Variants in RAB11FIP3 observed in about 807,000 individuals in gnomAD.
RAB11FIP3 encodes the protein rab11 family-interacting protein 3.
Under a neutral mutation model 77.8 loss-of-function variants are expected in RAB11FIP3, and 17 were observed. That is an observed-to-expected ratio of 0.22 (90% confidence interval 0.15 to 0.33). The LOEUF is 0.33. Ranked by LOEUF, RAB11FIP3 falls within the 10% of genes least tolerant of loss-of-function variation. The probability of loss-of-function intolerance (pLI) is 1.00; values close to 1 mark genes in which losing one functional copy is unlikely to be tolerated. For missense variants in RAB11FIP3, 1,005 were observed against 1,011.2 expected, an observed-to-expected ratio of 0.99 and a Z score of 0.08; for synonymous variants, 437 against 448.2, an observed-to-expected ratio of 0.98 and a Z score of 0.31.
intron 1 of RAB11FIP3, among the ~76,000 whole-genome samples, chr16:446,776 A>G (rs1343418107): frequency 6.6e-6 from 1 of 151,698 alleles, no homozygotes; most frequent in Non-Finnish European, 1.5e-5. Flanking sequence ...GCTCACTGCA[A>G]CCTCCGCCTC....
chr16:513,788 G>A (rs1305320000), intron 9 of RAB11FIP3, among the ~76,000 whole-genome samples: 2 of 152,196 alleles, frequency 1.3e-5, no homozygotes, highest in African/African-American at 2.4e-5. Context: ...AGAGCTGTGC[G>A]GGACGCCCCA....
intron 5 of RAB11FIP3, among the ~76,000 whole-genome samples, chr16:492,424 T>TCCCGGGAGACCCGAGGCCGTCCAGAGCCC (rs2030506781): frequency 1.9e-5 from 1 of 53,706 alleles, no homozygotes; most frequent in African/African-American, 1.3e-4. Flanking sequence ...CCCAGGGCCC[T>TCCCGGGAGACCCGAGGCCGTCCAGAGCCC]CCCCGGGAGA....
chr16:453,735 C>T (rs1006826838), intron 1 of RAB11FIP3, among the ~76,000 whole-genome samples: 2 of 151,558 alleles, frequency 1.3e-5, no homozygotes, highest in African/African-American at 2.4e-5. Flanking sequence ...GGATTACAGG[C>T]GCCTGCCACC....
rs754959809 is a variant in RAB11FIP3, at chr16:488,845, T to G, written c.1116-6T>G. The G allele has an allele frequency of 6.2e-7, 1 of 1,613,190 alleles. No individual in the cohort carries two copies. Among genetic ancestry groups the G allele is most frequent in the South Asian group, 1.1e-5 (1 of 90,992 alleles). On this transcript the variant is annotated splice_region_variant and splice_polypyrimidine_tract_variant and intron_variant, in intron 4 of 13. Transcript: ENST00000262305. ...CAGAAGACATCATTTCTGTTTTACT[T>G]TGCAGGCCTCACCCCCATGGCCAGT...
chr16:449,142 G>A (rs961070635), intron 1 of RAB11FIP3, among the ~76,000 whole-genome samples: 3 of 151,862 alleles, frequency 2.0e-5, no homozygotes, highest in African/African-American at 7.3e-5. Context: ...TCCAGCTGCC[G>A]GCCCCCTGCT....
At chr16:496,467 C>G (rs992960593) in intron 5 of RAB11FIP3, among the ~76,000 whole-genome samples, 20 of 152,246 alleles carry the variant, frequency 1.3e-4, no homozygotes, top group Non-Finnish European at 2.8e-4. Flanking sequence ...CACTTGGGGG[C>G]CTCCGAAGGC....
At chr16:436,390 G>T (rs985463893) in intron 1 of RAB11FIP3, among the ~76,000 whole-genome samples, 1 of 152,192 alleles carries the variant, frequency 6.6e-6, no homozygotes, top group African/African-American at 2.4e-5. Context: ...CTGCAGCCTT[G>T]AAGTCCTGGG....
rs143162766 is a variant in RAB11FIP3 at position 503,035 on chromosome 16, G to A, written c.1333G>A (p.Glu445Lys). The A allele has an allele frequency of 1.5e-4, 244 of 1,613,086 alleles. 1 individual carries two copies. The Middle Eastern group carries it at 3.0e-3, about 20-fold the overall frequency. Residue 445 changes from glutamate (E) to lysine (K), a missense_variant, in exon 7 of 14, where the codon GAG (glutamate) becomes AAG (lysine). Physicochemically the swap from Glu to Lys is moderately conservative, Grantham distance 56. Around this residue, in one of 4 missense-constraint regions of RAB11FIP3, gnomAD observed 433 missense variants for 436.1 expected, o/e 0.99. Coordinates refer to ENST00000262305, the MANE Select transcript of RAB11FIP3 (RefSeq NM_014700.4). ...GCACCAGTCAGGGGCCCTGACCATG[G>A]AGGCCCTGGAGGACCCTTCCCCCGA... Reference protein sequence around the residue: ...YLHQSGALTMEALEDPSPELM... With the variant: ...YLHQSGALTMKALEDPSPELM...
intron 9 of RAB11FIP3, among the ~76,000 whole-genome samples, chr16:511,825 G>C (rs1395141055): frequency 7.9e-6 from 1 of 126,266 alleles, no homozygotes; most frequent in African/African-American, 3.2e-5. Flanking sequence ...AGGTAGGAGA[G>C]GTTCCTGACG....
At chr16:510,491 A>G (rs2032089511) in intron 8 of RAB11FIP3, 169 bp from the exon 9 acceptor site, 3 of 744,716 alleles carry the variant, frequency 4.0e-6, no homozygotes, top group African/African-American at 1.8e-5. Context: ...CTGGGGGTGT[A>G]TTCGCTGCTT....
chr16:493,049 G>A (rs2030731950), intron 5 of RAB11FIP3, among the ~76,000 whole-genome samples: 2 of 152,130 alleles, frequency 1.3e-5, no homozygotes, highest in South Asian at 4.1e-4. Context: ...CCAGGAGTTT[G>A]AGACCAGCCT....
chr16:507,076 G>A lies in RAB11FIP3; in HGVS notation c.1499+1449G>A, dbSNP rs1472710127. ...CGACCCGCCTCCCTCAGCCTTCGAT[G>A]TAGCTGGGACTACAGGTGTGCACCA... On this transcript the variant is annotated intron_variant, in intron 8 of 13. Coordinates refer to ENST00000262305, the MANE Select transcript of RAB11FIP3 (RefSeq NM_014700.4). This position sits in a 1 kb window ranked among gnomAD's most constrained non-coding sequence, Gnocchi z 4.6. Among the ~76,000 whole-genome samples, 1 of 151,306 alleles carries A rather than the reference G, an allele frequency of 6.6e-6. No homozygotes were observed. The highest frequency in any genetic ancestry group is 2.4e-5 in the African/African-American group (1 of 41,132).
intron 1 of RAB11FIP3, among the ~76,000 whole-genome samples, chr16:432,630 C>T (rs1243304556): frequency 7.2e-6 from 1 of 138,692 alleles, no homozygotes; most frequent in Non-Finnish European, 1.5e-5. Flanking sequence ...GACAGGGTCT[C>T]GCTCTGTGGC....
rs117089608 is a variant in RAB11FIP3, at chr16:521,334, G to A, written c.*495G>A. The A allele has an allele frequency of 0.025, 3,976 of 160,744 alleles. 74 individuals carry two copies. Among genetic ancestry groups the A allele is most frequent in the Middle Eastern group, 0.04 (13 of 328 alleles). The allele number at this position is 160,744 out of a possible 1,614,324, so 10.0% of individuals were successfully genotyped here. Reference sequence around the variant, plus strand: ...CTGCCTAAGCCACCCACATAAGTACGCTGGTGCCGTGTCACCCATGTTGAG... The same window carrying A: ...CTGCCTAAGCCACCCACATAAGTACACTGGTGCCGTGTCACCCATGTTGAG... On this transcript the variant is annotated 3_prime_UTR_variant, in exon 14 of 14. Transcript: ENST00000262305.
Position 471,535 on chromosome 16 carries a change from G to T in RAB11FIP3, c.903+146G>T. On this transcript the variant is annotated intron_variant, in intron 3 of 13. Transcript: ENST00000262305. The surrounding 1 kb of genome is among the most constrained non-coding windows in gnomAD (Gnocchi z 4.4). ...CCTCCCGCCCTGTGTGCACCGTGGG[G>T]CTCTGTGGCTGTGACGGGAGGCCCA... is the stretch of plus-strand genomic sequence containing the variant. The T allele has an allele frequency of 4.3e-6, 3 of 697,410 alleles. No homozygotes were observed. The highest frequency in any genetic ancestry group is 1.7e-5 in the South Asian group (1 of 58,424). 43.2% of individuals were successfully genotyped at this position (697,410 alleles called of 1,614,324 possible). A position where few individuals can be genotyped will look rare whatever the true frequency, so the allele number is the denominator to read the frequency against.
chr16:456,306 C>A (rs1256580113), intron 1 of RAB11FIP3, among the ~76,000 whole-genome samples: 2 of 151,408 alleles, frequency 1.3e-5, no homozygotes, highest in African/African-American at 4.9e-5. Context: ...AAAAATGAGC[C>A]GGGTGTGGCG....
chr16:453,941 G>A (rs1253890285), intron 1 of RAB11FIP3, among the ~76,000 whole-genome samples: 1 of 95,284 alleles, frequency 1.0e-5, no homozygotes, highest in Admixed American at 9.3e-5. Context: ...AGCTGCCAGT[G>A]AGCACATTTC....
Position 471,184 on chromosome 16 carries a change from C to T in RAB11FIP3, c.809-111C>T. 1 of 859,312 alleles carries T rather than the reference C, an allele frequency of 1.2e-6. No homozygotes were observed. The highest frequency in any genetic ancestry group is 1.9e-6 in the Non-Finnish European group (1 of 530,696). 53.2% of individuals were successfully genotyped at this position (859,312 alleles called of 1,614,324 possible). On this transcript the variant is annotated intron_variant, in intron 2 of 13. Coordinates refer to ENST00000262305, the MANE Select transcript of RAB11FIP3 (RefSeq NM_014700.4). This position sits in a 1 kb window ranked among gnomAD's most constrained non-coding sequence, Gnocchi z 4.4. ...TGACCCCCCCCAGGGCCCCCAACTC[C>T]CACACATCTGTCCCTGGGGGCCTCC... is the stretch of plus-strand genomic sequence containing the variant.
At chr16:490,342 C>T (rs1025113344) in intron 5 of RAB11FIP3, among the ~76,000 whole-genome samples, 1 of 152,184 alleles carries the variant, frequency 6.6e-6, no homozygotes, top group Non-Finnish European at 1.5e-5. Context: ...ACCACAAAAT[C>T]TAACACTGAG....
Sources: gnomAD v4.1 joint callset for allele counts (sites outside exome capture counted in the v4.1 genomes callset) on GRCh38, gnomAD v4.1.1 for gene constraint, gnomAD v4.1.1 regional missense constraint, Gnocchi (gnomAD v3.1) non-coding constraint, MANE v1.5 for transcripts, NCBI Gene and HGNC (gene_info 2026-07-23, HGNC 2026-07-21) for gene names.